The following GPC6 variants were observed in gnomAD, a reference collection of about 807,000 sequenced individuals.
GPC6 encodes glypican-6.
Under a neutral mutation model 55.2 loss-of-function variants are expected in GPC6, and 14 were observed. The observed-to-expected ratio is 0.25, with a 90% CI of 0.17 to 0.40. GPC6 has a LOEUF of 0.40. Ranked by LOEUF, GPC6 falls within the 10% of genes least tolerant of loss-of-function variation. The pLI, the probability that GPC6 is intolerant of heterozygous loss-of-function variation, is 1.00. For missense variants in GPC6, 641 were observed against 708.5 expected, an observed-to-expected ratio of 0.90 and a Z score of 1.08; for synonymous variants, 278 against 259.6, an observed-to-expected ratio of 1.07 and a Z score of -0.68.
intron 2 of GPC6, among the ~76,000 whole-genome samples, chr13:93,580,376 A>G (rs979719709): frequency 6.6e-6 from 1 of 152,244 alleles, no homozygotes; most frequent in African/African-American, 2.4e-5. Flanking sequence ...AGTTTATAAC[A>G]TGTATTATAT....
chr13:94,223,123 GT>G (rs1246256668), intron 4 of GPC6, among the ~76,000 whole-genome samples: 1 of 152,024 alleles, frequency 6.6e-6, no homozygotes, highest in Non-Finnish European at 1.5e-5. Context: ...TACATAAAGT[GT>G]TTTTTAATAG....
intron 3 of GPC6, among the ~76,000 whole-genome samples, chr13:93,986,531 G>A (rs1881039778): frequency 6.6e-6 from 1 of 152,090 alleles, no homozygotes; most frequent in South Asian, 2.1e-4. Context: ...CAGGAGTTCA[G>A]ATGTATTTCA....
intron 2 of GPC6, among the ~76,000 whole-genome samples, chr13:93,670,187 T>A (rs1425787444): frequency 6.6e-6 from 1 of 152,144 alleles, no homozygotes; most frequent in Non-Finnish European, 1.5e-5. Context: ...TAAAGCCTCA[T>A]AATGTAACAG....
chr13:94,185,416 A>G (rs922576812), intron 4 of GPC6, among the ~76,000 whole-genome samples: 1 of 152,028 alleles, frequency 6.6e-6, no homozygotes, highest in Non-Finnish European at 1.5e-5. Context: ...AAAGTCTACA[A>G]ACTTTTCAAT....
intron 2 of GPC6, among the ~76,000 whole-genome samples, chr13:93,784,951 A>G (rs989927536): frequency 3.9e-5 from 6 of 152,222 alleles, no homozygotes; most frequent in Non-Finnish European, 8.8e-5. Flanking sequence ...TTTAAATGGA[A>G]GTAGCAACAC....
intron 2 of GPC6, among the ~76,000 whole-genome samples, chr13:93,806,559 C>T (rs1566545209): frequency 6.6e-6 from 1 of 152,038 alleles, no homozygotes; most frequent in Admixed American, 6.6e-5. Flanking sequence ...AGGCTGGTCT[C>T]GAACTCCTGA....
At chr13:93,367,031 C>T (rs1377212944) in intron 1 of GPC6, among the ~76,000 whole-genome samples, 2 of 151,980 alleles carry the variant, frequency 1.3e-5, no homozygotes, top group Non-Finnish European at 1.5e-5. Flanking sequence ...AAAACCAAGT[C>T]GCAACACATG....
intron 2 of GPC6, among the ~76,000 whole-genome samples, chr13:93,618,717 A>T (rs972218477): frequency 3.9e-5 from 6 of 152,190 alleles, no homozygotes; most frequent in African/African-American, 1.4e-4. Flanking sequence ...ATTTATTGAA[A>T]ATGTATCAAT....
At chr13:94,398,750 T>C (rs1261741351) in intron 8 of GPC6, 109 bp downstream of exon 8, 1 of 865,620 alleles carries the variant, frequency 1.2e-6, no homozygotes, top group Non-Finnish European at 1.9e-6. Context: ...TTATTCTCAT[T>C]CTTCCTCAGG....
At chr13:93,237,657 A>G (rs1230665978) in intron 1 of GPC6, among the ~76,000 whole-genome samples, 1 of 152,174 alleles carries the variant, frequency 6.6e-6, no homozygotes, top group Non-Finnish European at 1.5e-5. Flanking sequence ...AATGTCCAGA[A>G]GAGTTTTTCT....
intron 2 of GPC6, among the ~76,000 whole-genome samples, chr13:93,828,190 T>C (rs2138976814): frequency 6.6e-6 from 1 of 152,242 alleles, no homozygotes; most frequent in Non-Finnish European, 1.5e-5. Flanking sequence ...ATGATTAGAA[T>C]CCACTTTCCA....
intron 4 of GPC6, among the ~76,000 whole-genome samples, chr13:94,216,073 T>C (rs1890218637): frequency 6.6e-6 from 1 of 152,184 alleles, no homozygotes; most frequent in Admixed American, 6.5e-5. Flanking sequence ...TCAAATCTTT[T>C]CCAAATGTAT....
intron 3 of GPC6, among the ~76,000 whole-genome samples, chr13:93,970,905 T>C (rs1344024633): frequency 1.3e-5 from 2 of 152,216 alleles, no homozygotes; most frequent in African/African-American, 2.4e-5. Flanking sequence ...AAAGACAAGA[T>C]ACAATGTGGC....
At chr13:93,339,752 G>A (rs1163347193) in intron 1 of GPC6, among the ~76,000 whole-genome samples, 1 of 152,142 alleles carries the variant, frequency 6.6e-6, no homozygotes, top group Non-Finnish European at 1.5e-5. Flanking sequence ...CTACCAGAAT[G>A]TCCTGCACAC....
the GPC6 span, among the ~76,000 whole-genome samples, chr13:93,217,157 T>G: frequency 6.6e-6 from 1 of 152,244 alleles, no homozygotes; most frequent in Non-Finnish European, 1.5e-5. Context: ...TACGTGTGAT[T>G]CATTAAGCTC....
rs560757098 is a variant in GPC6 at position 93,739,936 on chromosome 13, A to G, written c.320-90218A>G. ...TGAAAGGTACTATGAAGAAAAAATA[A>G]AATGAGGAAAGAGATCGAGAGAAGG... is the stretch of plus-strand genomic sequence containing the variant. On this transcript the variant is annotated intron_variant, in intron 2 of 8. Transcript: ENST00000377047. 2.0e-5 allele frequency among the ~76,000 whole-genome samples: 3 copies of G among 152,312 alleles called. No homozygotes were observed. The East Asian group carries it at 5.8e-4, about 29-fold the overall frequency.
At chr13:94,118,389 G>A (rs773171735) in intron 4 of GPC6, among the ~76,000 whole-genome samples, 6 of 152,100 alleles carry the variant, frequency 3.9e-5, no homozygotes, top group Middle Eastern at 3.4e-3. Flanking sequence ...CTCCCCAGCC[G>A]TACAGAACTA....
At chr13:93,950,641 T>C (rs1879213177) in intron 3 of GPC6, among the ~76,000 whole-genome samples, 1 of 152,214 alleles carries the variant, frequency 6.6e-6, no homozygotes, top group South Asian at 2.1e-4. Flanking sequence ...GATTAAGTGA[T>C]GATAGCAGAG....
the GPC6 span, among the ~76,000 whole-genome samples, chr13:93,221,580 G>A: frequency 6.6e-6 from 1 of 152,186 alleles, no homozygotes; most frequent in African/African-American, 2.4e-5. Context: ...CTAGGTATAT[G>A]TTTAAGGCTC....
Sources: gnomAD v4.1 joint callset for allele counts (sites outside exome capture counted in the v4.1 genomes callset) on GRCh38, gnomAD v4.1.1 for gene constraint, MANE v1.5 for transcripts, NCBI Gene and HGNC (gene_info 2026-07-23, HGNC 2026-07-21) for gene names.